ANKFN1: variants seen among roughly 807,000 people sequenced by gnomAD.
ANKFN1 encodes ankyrin repeat and fibronectin type-III domain-containing protein 1.
Under a neutral mutation model 108.7 loss-of-function variants are expected in ANKFN1, and 74 were observed. That is an observed-to-expected ratio of 0.68 (90% confidence interval 0.56 to 0.83). The LOEUF (loss-of-function observed/expected upper bound fraction) is 0.83, where lower values mean the gene tolerates loss of function less well. Among genes scored for constraint, ANKFN1 ranks in the 40% least tolerant of loss-of-function variants. ANKFN1 has a pLI of 0.00. For synonymous variants in ANKFN1, 547 were observed against 516.2 expected (o/e 1.06, Z -0.81); for missense variants, 1,505 against 1,382.3 (o/e 1.09, Z -1.41).
At chr17:56,139,161 T>A (rs1450670702) in intron 4 of ANKFN1, among the ~76,000 whole-genome samples, 1 of 152,206 alleles carries the variant, frequency 6.6e-6, no homozygotes, top group Non-Finnish European at 1.5e-5. Flanking sequence ...ATTAAAATCC[T>A]TGACAAAATT....
chr17:56,498,586 A>C (rs1044864390), intron 19 of ANKFN1, among the ~76,000 whole-genome samples: 1 of 152,206 alleles, frequency 6.6e-6, no homozygotes, highest in African/African-American at 2.4e-5. Flanking sequence ...AGGCTCAAAA[A>C]GGTCAAGTGA....
intron 8 of ANKFN1, among the ~76,000 whole-genome samples, chr17:56,401,772 T>C (rs2047773975): frequency 6.6e-6 from 1 of 152,160 alleles, no homozygotes; most frequent in East Asian, 1.9e-4. Flanking sequence ...TCTGTTCCAG[T>C]TCTCAGAGGG....
rs182133430 is a variant in ANKFN1 at position 56,121,085 on chromosome 17, A to G, written c.288+74760A>G. On this transcript the variant is annotated intron_variant, in intron 4 of 12. Coordinates refer to the ANKFN1 transcript ENST00000635860. ...ACTTTGATCATATCACCACCCAGAT[A>G]AAAATCCCTGTGACTCCATATATTT... 4.1e-4 allele frequency among the ~76,000 whole-genome samples: 62 copies of G among 152,250 alleles called. No homozygotes were observed. The East Asian group carries it at 0.011, about 27-fold the overall frequency.
intron 1 of ANKFN1, among the ~76,000 whole-genome samples, chr17:56,204,981 C>T (rs1914405705): frequency 6.6e-6 from 1 of 152,148 alleles, no homozygotes; most frequent in Non-Finnish European, 1.5e-5. Context: ...GAGGCTGAGG[C>T]AGGGGAATGG....
chr17:56,498,014 T>G (rs547116965), intron 19 of ANKFN1, among the ~76,000 whole-genome samples: 1 of 152,274 alleles, frequency 6.6e-6, no homozygotes, highest in East Asian at 1.9e-4. Flanking sequence ...CACAAAAATC[T>G]GAGTGAATTT....
At chr17:56,230,268 TGG>T (rs1308134415) in intron 3 of ANKFN1, among the ~76,000 whole-genome samples, 11 of 152,232 alleles carry the variant, frequency 7.2e-5, no homozygotes, top group Non-Finnish European at 1.6e-4. Flanking sequence ...AAAAGGCTAA[TGG>T]CTAAGTCCCA....
chr17:56,482,610 G>C (rs932903666), intron 18 of ANKFN1, 86 bp downstream of exon 18: 1 of 1,468,456 alleles, frequency 6.8e-7, no homozygotes, highest in Non-Finnish European at 9.2e-7. Context: ...CCTTGTCCCA[G>C]TGGAGGGTCA....
At chr17:56,453,414 A>G (rs1463936750) in intron 11 of ANKFN1, among the ~76,000 whole-genome samples, 1 of 152,168 alleles carries the variant, frequency 6.6e-6, no homozygotes, top group African/African-American at 2.4e-5. Flanking sequence ...TATGGCTATA[A>G]TAATTAATCC....
chr17:56,153,282 G>A (rs1045881972), upstream of ANKFN1, among the ~76,000 whole-genome samples: 5 of 152,126 alleles, frequency 3.3e-5, no homozygotes, highest in Admixed American at 2.6e-4. Flanking sequence ...CTTTGAAAAC[G>A]ATTTCTTTGT....
chr17:56,436,888 T>A (rs1039087436), intron 8 of ANKFN1, among the ~76,000 whole-genome samples: 5 of 150,928 alleles, frequency 3.3e-5, no homozygotes, highest in Non-Finnish European at 7.4e-5. Context: ...TGACTCCTGC[T>A]CACTCTGTTT....
chr17:56,169,906 C>T (rs568756872), intron 1 of ANKFN1, among the ~76,000 whole-genome samples: 9 of 152,304 alleles, frequency 5.9e-5, no homozygotes, highest in African/African-American at 1.9e-4. Context: ...CAAGTGGGTA[C>T]ATTGACTTTG....
At chr17:56,170,231 TTCC>T (rs1910524701) in intron 1 of ANKFN1, among the ~76,000 whole-genome samples, 1 of 152,196 alleles carries the variant, frequency 6.6e-6, no homozygotes, top group South Asian at 2.1e-4. Flanking sequence ...TCCTACTGTA[TTCC>T]TCCTCCAGGA....
chr17:56,390,250 A>G (rs1189704881), intron 8 of ANKFN1, among the ~76,000 whole-genome samples: 5 of 140,696 alleles, frequency 3.6e-5, no homozygotes, highest in Non-Finnish European at 7.7e-5. Flanking sequence ...CCCTGTGTCC[A>G]TGTGTTCTAA....
intron 4 of ANKFN1, among the ~76,000 whole-genome samples, chr17:56,078,318 A>T (rs1905204692): frequency 1.3e-5 from 2 of 152,044 alleles, no homozygotes; most frequent in African/African-American, 2.4e-5. Context: ...TCTATCTTCA[A>T]TTCCTTAGGC....
intron 1 of ANKFN1, among the ~76,000 whole-genome samples, chr17:56,179,288 C>A (rs1375981319): frequency 1.3e-5 from 2 of 152,152 alleles, no homozygotes; most frequent in Non-Finnish European, 2.9e-5. Flanking sequence ...ACTTTCTAAG[C>A]TTTTAGTCAC....
intron 4 of ANKFN1, among the ~76,000 whole-genome samples, chr17:56,120,289 C>T (rs1906535195): frequency 6.6e-6 from 1 of 152,194 alleles, no homozygotes; most frequent in African/African-American, 2.4e-5. Flanking sequence ...TCACTCCATT[C>T]TGCCCTTCTA....
At position 56,291,984 on chromosome 17, in the gene ANKFN1, T is replaced by C. The variant is rs970963941; in HGVS notation, c.54-34237T>C. Among the ~76,000 whole-genome samples the C allele has an allele frequency of 2.6e-5, 4 of 152,342 alleles. No homozygotes were observed. In the South Asian group the frequency reaches 6.2e-4, roughly 24 times the overall value. ...GACAAATTTTTATTATCTTTAGGGC[T>C]GCACCTTTCGTATCTCCCAAATACT... is the stretch of plus-strand genomic sequence containing the variant. On this transcript the variant is annotated intron_variant, in intron 3 of 20. Coordinates refer to ENST00000682825, the MANE Select transcript of ANKFN1 (RefSeq NM_001370326.1).
At chr17:56,176,179 G>A (rs986440183) in intron 1 of ANKFN1, among the ~76,000 whole-genome samples, 2 of 152,038 alleles carry the variant, frequency 1.3e-5, no homozygotes, top group African/African-American at 4.8e-5. Flanking sequence ...CATGTGGCTG[G>A]GCAAGGAGGG....
intron 3 of ANKFN1, among the ~76,000 whole-genome samples, chr17:56,275,665 A>T (rs1050338403): frequency 1.3e-5 from 2 of 152,186 alleles, no homozygotes; most frequent in African/African-American, 4.8e-5. Flanking sequence ...GATGACCCCC[A>T]AATTGTTAAA....
Sources: gnomAD v4.1 joint callset for allele counts (sites outside exome capture counted in the v4.1 genomes callset) on GRCh38, gnomAD v4.1.1 for gene constraint, MANE v1.5 for transcripts, NCBI Gene and HGNC (gene_info 2026-07-23, HGNC 2026-07-21) for gene names.